TCTN3: variants seen among roughly 807,000 people sequenced by gnomAD.
The protein encoded by TCTN3 is tectonic-3.
TCTN3 carries 57 observed loss-of-function variants against 71.3 expected under a neutral mutation model. The ratio of observed to expected loss-of-function variants is 0.80; its 90% CI spans 0.65 to 1.00. The LOEUF is 1.00. TCTN3 is among the 50% of genes least tolerant of loss of function. TCTN3 has a pLI of 0.00. For missense variants in TCTN3, 696 were observed against 719.9 expected (o/e 0.97, Z 0.38); for synonymous variants, 258 against 267.8 (o/e 0.96, Z 0.36).
rs2097949343 is a variant in TCTN3 at position 95,687,322 on chromosome 10, A to C, written c.661T>G (p.Trp221Gly). 1.9e-6 allele frequency: 3 copies of C among 1,613,958 alleles called. No homozygotes were observed. Among genetic ancestry groups the C allele is most frequent in the South Asian group, 2.2e-5 (2 of 91,036 alleles). ...TGTCTCAGCAAGCTTATTACAGACC[A>C]CTTGGGGAAGTAAGTAAGAATGGGG... ...GDPILTYFPK[W>G]SVISLLRQPA... is the part of the protein sequence containing the mutation. The change falls in exon 5 of 14, where the codon TGG becomes GGG. Residue 221 changes from tryptophan (W) to glycine (G), a missense_variant. Trp to Gly is a radical substitution (Grantham distance 184). Transcript: ENST00000371217.
chr10:95,672,971 G>A (rs2097933194), intron 13 of TCTN3, among the ~76,000 whole-genome samples: 1 of 41,938 alleles, frequency 2.4e-5, no homozygotes, highest in Non-Finnish European at 8.7e-5. Context: ...GGGATTACAG[G>A]TGTGAGTGAG....
intron 3 of TCTN3, among the ~76,000 whole-genome samples, chr10:95,689,787 C>T (rs2097951934): frequency 6.6e-6 from 1 of 152,078 alleles, no homozygotes; most frequent in Non-Finnish European, 1.5e-5. Context: ...CAAAGGAAGC[C>T]TACAGACCAT....
At chr10:95,676,773 G>T (rs1282670556) in intron 13 of TCTN3, among the ~76,000 whole-genome samples, 2 of 152,104 alleles carry the variant, frequency 1.3e-5, no homozygotes, top group African/African-American at 4.8e-5. Context: ...AACCAAAAAA[G>T]TTAATGATGA....
At chr10:95,683,783 C>T (rs886285246) in intron 9 of TCTN3, among the ~76,000 whole-genome samples, 154 bp from the exon 10 acceptor site, 1 of 152,124 alleles carries the variant, frequency 6.6e-6, no homozygotes, top group African/African-American at 2.4e-5. Flanking sequence ...TAGCATTTTG[C>T]TTCTTTCACT....
intron 12 of TCTN3, among the ~76,000 whole-genome samples, chr10:95,681,610 C>G (rs888798593): frequency 6.6e-6 from 1 of 152,204 alleles, no homozygotes; most frequent in Non-Finnish European, 1.5e-5. Context: ...TAATGCAGTA[C>G]TCCAGGAGGA....
At position 95,684,714 on chromosome 10, in the gene TCTN3, T is replaced by TGG; in HGVS notation, c.970-91_970-90insCC. 2.1e-6 allele frequency: 3 copies of TGG among 1,423,452 alleles called. No homozygotes were observed. The South Asian group carries it at 4.0e-5, about 19-fold the overall frequency. 88.2% of individuals were successfully genotyped at this position (1,423,452 alleles called of 1,614,324 possible). On this transcript the variant is annotated intron_variant, in intron 8 of 13. Coordinates refer to ENST00000371217, the MANE Select transcript of TCTN3 (RefSeq NM_015631.6). ...GATTTTCTGTCTTCAAGGGTGTTAT[T>TGG]ATAACTAAATGAGGCAGACTGAAAC...
chr10:95,687,539 G>C, intron 4 of TCTN3, 53 bp downstream of exon 4: 1 of 1,602,994 alleles, frequency 6.2e-7, no homozygotes, highest in Non-Finnish European at 8.5e-7. Flanking sequence ...TCAGCTGTCT[G>C]CTGTGAGAGT....
At chr10:95,681,356 G>T (rs999355587) in intron 12 of TCTN3, among the ~76,000 whole-genome samples, 1 of 152,188 alleles carries the variant, frequency 6.6e-6, no homozygotes, top group Non-Finnish European at 1.5e-5. Context: ...GATTACAGGT[G>T]TAAGCCATGG....
chr10:95,672,837 C>T (rs755051562), intron 13 of TCTN3, among the ~76,000 whole-genome samples: 3 of 151,812 alleles, frequency 2.0e-5, no homozygotes, highest in Non-Finnish European at 2.9e-5. Context: ...GGACTACAGG[C>T]ATGCGTCGCC....
Position 95,682,670 on chromosome 10 carries a change from T to C in TCTN3, c.1433A>G (p.Asn478Ser), listed in dbSNP as rs1239441397. Residue 478 changes from asparagine to serine, a missense_variant, in exon 12 of 14, where the codon AAC (asparagine) becomes AGC (serine). Coordinates refer to ENST00000371217, the MANE Select transcript of TCTN3 (RefSeq NM_015631.6). ...AQKGGWTRIL[N>S]RHCSISAINC... is the part of the protein sequence containing the mutation. Reference sequence around the variant, plus strand: ...CCTTACTGAAATGCTGCAGTGCCTGTTGAGGATCCTGGTCCACCCTCCTTT... The same window carrying C: ...CCTTACTGAAATGCTGCAGTGCCTGCTGAGGATCCTGGTCCACCCTCCTTT... The C allele has an allele frequency of 6.2e-7, 1 of 1,613,990 alleles. No individual in the cohort carries two copies. The highest frequency in any genetic ancestry group is 1.1e-5 in the South Asian group (1 of 91,046).
At chr10:95,683,301 T>C (rs1158708264) in intron 10 of TCTN3, 106 bp from the exon 11 acceptor site, 1 of 1,505,664 alleles carries the variant, frequency 6.6e-7, no homozygotes, top group East Asian at 2.3e-5. Flanking sequence ...TATTTTGTAT[T>C]ACTATCATAA....
intron 13 of TCTN3, among the ~76,000 whole-genome samples, chr10:95,664,718 TCA>T (rs1024723343): frequency 6.6e-6 from 1 of 152,168 alleles, no homozygotes; most frequent in Admixed American, 6.5e-5. Context: ...GAAAGGTCAC[TCA>T]CAGACTCTCA....
At chr10:95,666,354 G>C (rs2097925685) in intron 13 of TCTN3, among the ~76,000 whole-genome samples, 1 of 151,998 alleles carries the variant, frequency 6.6e-6, no homozygotes, top group African/African-American at 2.4e-5. Flanking sequence ...AGCCTGGGCT[G>C]AAGCTGCCGA....
Position 95,693,373 on chromosome 10 carries a change from G to A in TCTN3, c.360C>T (p.Phe120=). 6.4e-7 allele frequency: 1 copy of A among 1,551,904 alleles called. No homozygotes were observed. Among genetic ancestry groups the A allele is most frequent in the Non-Finnish European group, 8.7e-7 (1 of 1,147,028 alleles). The change falls in exon 2 of 14, where the codon TTC becomes TTT. Residue 120 remains phenylalanine, a synonymous_variant. Transcript: ENST00000371217. ...YLLHPRTVFS[F]CLPGSVRSSS... is the part of the protein sequence containing the mutation. Reference sequence around the variant, plus strand: ...CTCACCTTACGCTGCCTGGAAGGCAGAAGGAGAAAACTGTCCTCGGATGGA... The same window carrying A: ...CTCACCTTACGCTGCCTGGAAGGCAAAAGGAGAAAACTGTCCTCGGATGGA...
intron 11 of TCTN3, 87 bp downstream of exon 11, chr10:95,683,014 G>A: frequency 4.3e-6 from 6 of 1,379,558 alleles, no homozygotes; most frequent in Non-Finnish European, 5.1e-6. Context: ...TTTCCGAACT[G>A]TCATTAAAAA....
chr10:95,680,827 G>A (rs1355795782), intron 12 of TCTN3, among the ~76,000 whole-genome samples: 1 of 146,190 alleles, frequency 6.8e-6, no homozygotes, highest in East Asian at 2.0e-4. Flanking sequence ...CACCCAGGCT[G>A]GAGTGCAGGG....
intron 13 of TCTN3, among the ~76,000 whole-genome samples, chr10:95,676,496 C>T (rs1326060663): frequency 2.0e-5 from 3 of 152,024 alleles, no homozygotes; most frequent in African/African-American, 4.8e-5. Flanking sequence ...TGAGTCACCG[C>T]GCCCGGCCAG....
intron 13 of TCTN3, among the ~76,000 whole-genome samples, chr10:95,676,139 T>C (rs1157994229): frequency 6.6e-6 from 1 of 152,162 alleles, no homozygotes; most frequent in Non-Finnish European, 1.5e-5. Context: ...TGAAATATAG[T>C]CAGAGATGTA....
rs1267012769 is a variant in TCTN3 at position 95,687,319 on chromosome 10, A to G, written c.664T>C (p.Ser222Pro). The G allele has an allele frequency of 6.2e-7, 1 of 1,613,986 alleles. No individual in the cohort carries two copies. The highest frequency in any genetic ancestry group is 1.3e-5 in the African/African-American group (1 of 74,934). Reference sequence around the variant, plus strand: ...GGTTGTCTCAGCAAGCTTATTACAGACCACTTGGGGAAGTAAGTAAGAATG... The same window carrying G: ...GGTTGTCTCAGCAAGCTTATTACAGGCCACTTGGGGAAGTAAGTAAGAATG... Reference protein sequence around the residue: ...DPILTYFPKWSVISLLRQPAG... With the variant: ...DPILTYFPKWPVISLLRQPAG... Residue 222 changes from serine (S) to proline (P), a missense_variant, in exon 5 of 14, where the codon TCT becomes CCT. Ser to Pro is a moderately conservative substitution (Grantham distance 74). Coordinates refer to ENST00000371217, the MANE Select transcript of TCTN3 (RefSeq NM_015631.6).
Sources: allele counts gnomAD v4.1 joint callset (sites outside exome capture counted in the v4.1 genomes callset), GRCh38; gene constraint gnomAD v4.1.1; transcripts MANE v1.5; gene names NCBI Gene and HGNC (gene_info 2026-07-23, HGNC 2026-07-21).